LINGO2: variants seen among roughly 807,000 people sequenced by gnomAD.
LINGO2 encodes the protein leucine-rich repeat and immunoglobulin-like domain-containing nogo receptor-interacting protein 2.
LINGO2 carries 14 observed loss-of-function variants against 30.6 expected under a neutral mutation model. The observed-to-expected ratio is 0.46, with a 90% CI of 0.30 to 0.72. The LOEUF (loss-of-function observed/expected upper bound fraction) is 0.72, where lower values mean the gene tolerates loss of function less well. LINGO2 is among the 30% of genes least tolerant of loss of function. The pLI, the probability that LINGO2 is intolerant of heterozygous loss-of-function variation, is 0.07. For missense variants in LINGO2, 729 were observed against 751.7 expected (o/e 0.97, Z 0.35); for synonymous variants, 317 against 288.5 (o/e 1.10, Z -1.00).
chr9:28,002,448 G>A (rs1484309280), intron 5 of LINGO2, among the ~76,000 whole-genome samples: 1 of 151,978 alleles, frequency 6.6e-6, no homozygotes, highest in African/African-American at 2.4e-5. Flanking sequence ...TCATATTAAA[G>A]GAACTTATTC....
intron 2 of LINGO2, among the ~76,000 whole-genome samples, chr9:28,412,866 T>G (rs1360804431): frequency 6.6e-6 from 1 of 152,074 alleles, no homozygotes; most frequent in Non-Finnish European, 1.5e-5. Flanking sequence ...ATGCAGATTT[T>G]GTTCCACCTC....
chr9:28,215,891 T>C lies in LINGO2; in HGVS notation c.-87+79317A>G, dbSNP rs768485709. Among the ~76,000 whole-genome samples, 37 of 151,886 alleles carry C rather than the reference T, an allele frequency of 2.4e-4. 1 individual carries two copies. ...ATACCTGCAGCAAAAAAAGGCTTCATGTAGCCCAGAGAAAGAATAAAGAAG... is the reference window on the plus strand; with the variant it reads ...ATACCTGCAGCAAAAAAAGGCTTCACGTAGCCCAGAGAAAGAATAAAGAAG... On this transcript the variant is annotated intron_variant, in intron 4 of 5. Transcript: ENST00000379992.
In LINGO2 at chr9:27,976,548, C is replaced by G. The variant is rs189404167; in HGVS notation, c.-35-25842G>C. The stretch of plus-strand genomic sequence containing the variant: ...GTATCATAGCATTTACTCCTCACAA[C>G]AACTCTAGAAAGGAGGTACTGCTAT... On this transcript the variant is annotated intron_variant, in intron 5 of 5. Coordinates refer to ENST00000379992, the Ensembl canonical transcript of LINGO2. 7.6e-4 allele frequency among the ~76,000 whole-genome samples: 116 copies of G among 152,116 alleles called. 1 individual carries two copies. Among genetic ancestry groups the G allele is most frequent in the African/African-American group, 2.7e-3 (112 of 41,526 alleles).
rs554190495 is a variant in LINGO2, at chr9:28,405,044, C to T, written c.-278-32176G>A. 5.9e-4 allele frequency among the ~76,000 whole-genome samples: 90 copies of T among 152,162 alleles called. 1 individual carries two copies. The South Asian group carries it at 0.019, about 32-fold the overall frequency. The stretch of plus-strand genomic sequence containing the variant: ...CAATTAAATTTAAAAAGATCTAACT[C>T]AATAAGGAGAAGTGTGCCTTTCTCG... On this transcript the variant is annotated intron_variant, in intron 2 of 5. Coordinates refer to ENST00000379992, the Ensembl canonical transcript of LINGO2.
At chr9:27,991,992 A>G (rs1334653070) in intron 5 of LINGO2, among the ~76,000 whole-genome samples, 1 of 151,992 alleles carries the variant, frequency 6.6e-6, no homozygotes, top group Non-Finnish European at 1.5e-5. Flanking sequence ...TTTCACTTCT[A>G]TCTGTACCTA....
the LINGO2 span, among the ~76,000 whole-genome samples, chr9:29,106,974 A>G: frequency 6.6e-6 from 1 of 152,332 alleles, no homozygotes; most frequent in East Asian, 1.9e-4. Context: ...ACCAATAAAT[A>G]ACAAAGAGTT....
At chr9:28,039,892 T>A (rs919451493) in intron 4 of LINGO2, among the ~76,000 whole-genome samples, 2 of 152,158 alleles carry the variant, frequency 1.3e-5, no homozygotes, top group Non-Finnish European at 2.9e-5. Flanking sequence ...ACCCACCCCC[T>A]TGTGAGATAT....
intron 3 of LINGO2, among the ~76,000 whole-genome samples, chr9:28,370,872 G>A (rs533421883): frequency 1.3e-5 from 2 of 152,210 alleles, no homozygotes; most frequent in African/African-American, 4.8e-5. Flanking sequence ...TTTATTATTT[G>A]AAGACAAAAA....
At chr9:28,225,264 G>T (rs769857168) in intron 4 of LINGO2, among the ~76,000 whole-genome samples, 16 of 152,054 alleles carry the variant, frequency 1.1e-4, no homozygotes, top group Non-Finnish European at 1.8e-4. Flanking sequence ...TTATTAAAGG[G>T]TATAACATGT....
chr9:28,796,790 A>T, the LINGO2 span, among the ~76,000 whole-genome samples: 3 of 152,020 alleles, frequency 2.0e-5, no homozygotes, highest in East Asian at 5.8e-4. Flanking sequence ...TTAACTCCAA[A>T]TTGCTGTCAA....
At chr9:28,664,621 A>G (rs576225066) in intron 1 of LINGO2, among the ~76,000 whole-genome samples, 16 of 152,214 alleles carry the variant, frequency 1.1e-4, no homozygotes, top group Non-Finnish European at 2.4e-4. Flanking sequence ...AGAGAGAAAC[A>G]TACACAAATT....
the LINGO2 span, among the ~76,000 whole-genome samples, chr9:29,070,601 T>G: frequency 1.3e-5 from 2 of 151,994 alleles, no homozygotes; most frequent in African/African-American, 2.4e-5. Flanking sequence ...CAGGTGGAAA[T>G]CAGACAGACA....
At chr9:28,270,705 G>A (rs143694501) in intron 4 of LINGO2, among the ~76,000 whole-genome samples, 8 of 152,232 alleles carry the variant, frequency 5.3e-5, no homozygotes, top group African/African-American at 1.9e-4. Flanking sequence ...AATCGAATTT[G>A]TGCTTGTTGG....
chr9:28,510,177 T>G (rs891426297), intron 1 of LINGO2, among the ~76,000 whole-genome samples: 44 of 152,202 alleles, frequency 2.9e-4, no homozygotes, highest in Non-Finnish European at 6.0e-4. Context: ...AACATGGTTA[T>G]TAATATACAG....
intron 4 of LINGO2, among the ~76,000 whole-genome samples, chr9:28,124,271 G>A (rs766919789): frequency 4.6e-5 from 7 of 152,176 alleles, no homozygotes; most frequent in Non-Finnish European, 8.8e-5. Context: ...TCGTTAAGAA[G>A]AATGTTTGAA....
intron 1 of LINGO2, among the ~76,000 whole-genome samples, chr9:28,569,771 A>ATCT (rs1374508579): frequency 6.6e-6 from 1 of 152,040 alleles, no homozygotes; most frequent in Non-Finnish European, 1.5e-5. Context: ...TTAAGAGTAT[A>ATCT]TCTACTATCT....
chr9:28,542,857 A>T (rs1821762390), intron 1 of LINGO2, among the ~76,000 whole-genome samples: 1 of 152,054 alleles, frequency 6.6e-6, no homozygotes, highest in Admixed American at 6.6e-5. Context: ...GGAGAACAAC[A>T]TGCCTAAAGC....
rs921961151 is a variant in LINGO2, at chr9:28,180,746, T to C, written c.-87+114462A>G. 7.2e-5 allele frequency among the ~76,000 whole-genome samples: 11 copies of C among 152,234 alleles called. No homozygotes were observed. The East Asian group carries it at 2.1e-3, about 29-fold the overall frequency. The stretch of plus-strand genomic sequence containing the variant: ...TTGCCAGTTTATCCAATAAATATCA[T>C]TTTTAAAAATGTCCTCTCCCAAGTA... On this transcript the variant is annotated intron_variant, in intron 4 of 5. Coordinates refer to ENST00000379992, the Ensembl canonical transcript of LINGO2.
the LINGO2 span, among the ~76,000 whole-genome samples, chr9:28,894,049 A>G: frequency 1.3e-5 from 2 of 151,918 alleles, no homozygotes; most frequent in African/African-American, 2.4e-5. Context: ...ATGATTTCCA[A>G]TTTCATCCAT....
Sources: gnomAD v4.1 joint callset for allele counts (sites outside exome capture counted in the v4.1 genomes callset) on GRCh38, gnomAD v4.1.1 for gene constraint, MANE v1.5 for transcripts, NCBI Gene and HGNC (gene_info 2026-07-23, HGNC 2026-07-21) for gene names.